Variants in STXBP4 observed in about 807,000 individuals in gnomAD.
STXBP4 encodes syntaxin binding protein 4, also known as syntaxin-binding protein 4.
Under a neutral mutation model 76.1 loss-of-function variants are expected in STXBP4, and 55 were observed. The ratio of observed to expected loss-of-function variants is 0.72; its 90% confidence interval spans 0.58 to 0.91. The LOEUF (loss-of-function observed/expected upper bound fraction) is 0.91, where lower values mean the gene tolerates loss of function less well. Among genes scored for constraint, STXBP4 ranks in the 40% least tolerant of loss-of-function variants. The pLI is 0.00. For missense variants in STXBP4, 618 were observed against 636.9 expected, an observed-to-expected ratio of 0.97 and a Z score of 0.32; for synonymous variants, 201 against 220.2, an observed-to-expected ratio of 0.91 and a Z score of 0.77.
At chr17:55,039,739 T>TAA (rs5821081) in intron 10 of STXBP4, among the ~76,000 whole-genome samples, 3 of 146,360 alleles carry the variant, frequency 2.0e-5, no homozygotes, top group South Asian at 2.1e-4. Flanking sequence ...GAAGAATGAA[T>TAA]AAAAAAAAAA....
At chr17:55,098,082 C>A (rs1436160241) in intron 16 of STXBP4, among the ~76,000 whole-genome samples, 1 of 152,140 alleles carries the variant, frequency 6.6e-6, no homozygotes, top group East Asian at 1.9e-4. Context: ...AGCCTTAAAC[C>A]ATTCTCTTCC....
chr17:55,115,616 CTTTG>C (rs376809538), intron 16 of STXBP4, among the ~76,000 whole-genome samples: 2 of 151,610 alleles, frequency 1.3e-5, no homozygotes, highest in Admixed American at 6.6e-5. Flanking sequence ...TGGAGTAAAC[CTTTG>C]TTTGTTTTCT....
rs1406316044 is a variant in STXBP4, at chr17:55,170,526, GA to G, written c.*10621del. ...TCTACAGTGAGCCTGTCCTTTATAAGAAAAAATGCTAATGATTTATTGTGTA... is the reference window on the plus strand; with the variant it reads ...TCTACAGTGAGCCTGTCCTTTATAAGAAAAATGCTAATGATTTATTGTGTA... On this transcript the variant is annotated 3_prime_UTR_variant, in exon 18 of 18. Coordinates refer to ENST00000376352, the MANE Select transcript of STXBP4 (RefSeq NM_178509.6). The G allele has an allele frequency of 6.6e-6, 1 of 152,074 alleles. No homozygotes were observed. Among genetic ancestry groups the G allele is most frequent in the Non-Finnish European group, 1.5e-5 (1 of 68,008 alleles). The allele number at this position is 152,074 out of a possible 1,614,324, so 9.4% of individuals were successfully genotyped here. A position where few individuals can be genotyped will look rare whatever the true frequency, so the allele number is the denominator to read the frequency against.
chr17:55,015,675 T>C (rs755862769), intron 8 of STXBP4, among the ~76,000 whole-genome samples: 1 of 151,858 alleles, frequency 6.6e-6, no homozygotes, highest in African/African-American at 2.4e-5. Flanking sequence ...CACTCTTTGG[T>C]TTGTTGTTTA....
At chr17:55,102,662 A>C (rs1383864253) in intron 16 of STXBP4, among the ~76,000 whole-genome samples, 2 of 152,218 alleles carry the variant, frequency 1.3e-5, no homozygotes, top group African/African-American at 4.8e-5. Context: ...TTGCTGGGTC[A>C]AATGATATTT....
chr17:55,041,228 CTTTTTT>C (rs373020633), intron 10 of STXBP4, among the ~76,000 whole-genome samples: 2 of 122,232 alleles, frequency 1.6e-5, no homozygotes, highest in Non-Finnish European at 3.3e-5. Flanking sequence ...TTTATTTAAA[CTTTTTT>C]TTTTTTTTTT....
intron 16 of STXBP4, among the ~76,000 whole-genome samples, chr17:55,130,811 A>G (rs1241403003): frequency 1.3e-5 from 2 of 152,138 alleles, no homozygotes; most frequent in Admixed American, 6.5e-5. Context: ...ACTTTGCATA[A>G]TCTCCTCTAG....
chr17:55,037,491 TAA>T (rs113577882), intron 10 of STXBP4, among the ~76,000 whole-genome samples: 3 of 149,858 alleles, frequency 2.0e-5, no homozygotes, highest in Non-Finnish European at 4.5e-5. Flanking sequence ...TTGTTGGGAT[TAA>T]AAAAAAAATA....
At chr17:55,120,407 A>T (rs2079830912) in intron 16 of STXBP4, among the ~76,000 whole-genome samples, 1 of 152,176 alleles carries the variant, frequency 6.6e-6, no homozygotes, top group Non-Finnish European at 1.5e-5. Context: ...CCATTCTATT[A>T]TGTGTTGCTT....
chr17:55,082,500 A>G (rs939865053), intron 16 of STXBP4, among the ~76,000 whole-genome samples: 3 of 152,184 alleles, frequency 2.0e-5, no homozygotes, highest in Non-Finnish European at 4.4e-5. Flanking sequence ...TTTTACCACC[A>G]TAAATATCTA....
intron 12 of STXBP4, among the ~76,000 whole-genome samples, chr17:55,049,359 G>A (rs1342459845): frequency 6.6e-6 from 1 of 151,890 alleles, no homozygotes; most frequent in East Asian, 1.9e-4. Context: ...AAATGAGTCA[G>A]TGCATGGATG....
intron 16 of STXBP4, among the ~76,000 whole-genome samples, chr17:55,128,069 C>T (rs2079931880): frequency 6.6e-6 from 1 of 152,152 alleles, no homozygotes; most frequent in East Asian, 1.9e-4. Flanking sequence ...ATAAGTTCCC[C>T]TGGTGAGTAC....
intron 1 of STXBP4, among the ~76,000 whole-genome samples, chr17:54,980,935 GT>G (rs56044821): frequency 0.3 from 42,483 of 140,458 alleles, 6,199 homozygotes; most frequent in African/African-American, 0.36. Context: ...ATTTTTTTGC[GT>G]TTTTTTTTTG....
intron 16 of STXBP4, among the ~76,000 whole-genome samples, chr17:55,135,072 G>A (rs1219181998): frequency 2.0e-5 from 3 of 152,114 alleles, no homozygotes; most frequent in Non-Finnish European, 2.9e-5. Flanking sequence ...CATCTATTGG[G>A]AAGATAAATG....
intron 16 of STXBP4, among the ~76,000 whole-genome samples, chr17:55,116,711 G>C (rs974143252): frequency 6.6e-6 from 1 of 151,800 alleles, no homozygotes; most frequent in Non-Finnish European, 1.5e-5. Flanking sequence ...GGAGGCAATT[G>C]TTAAGTTTTG....
chr17:55,124,393 G>A (rs576743565), intron 16 of STXBP4, among the ~76,000 whole-genome samples: 14 of 152,330 alleles, frequency 9.2e-5, no homozygotes, highest in Admixed American at 7.2e-4. Context: ...AGAATAGACT[G>A]TGATATTTAT....
chr17:55,089,054 T>C (rs985432880), intron 16 of STXBP4, among the ~76,000 whole-genome samples: 2 of 152,194 alleles, frequency 1.3e-5, no homozygotes, highest in Non-Finnish European at 2.9e-5. Flanking sequence ...ATTGGCCAAA[T>C]TGCTTAATTT....
At chr17:55,024,474 T>C (rs1206073856) in intron 8 of STXBP4, among the ~76,000 whole-genome samples, 3 of 152,218 alleles carry the variant, frequency 2.0e-5, no homozygotes, top group East Asian at 1.9e-4. Context: ...AAACTTCTGA[T>C]GGTGGAGGCT....
Position 55,010,582 on chromosome 17 carries a change from G to A in STXBP4, c.666+2985G>A, listed in dbSNP as rs193031959. On this transcript the variant is annotated intron_variant, in intron 8 of 17. Coordinates refer to ENST00000376352, the MANE Select transcript of STXBP4 (RefSeq NM_178509.6). ...TATGCATTATAAACTTAGCAAATAGGGATACAATTTATTGCTTGGCTTGAA... is the reference window on the plus strand; with the variant it reads ...TATGCATTATAAACTTAGCAAATAGAGATACAATTTATTGCTTGGCTTGAA... 3.9e-4 allele frequency among the ~76,000 whole-genome samples: 60 copies of A among 151,988 alleles called. 1 individual carries two copies. In the East Asian group the frequency reaches 5.8e-3, roughly 15 times the overall value.
Sources: allele counts gnomAD v4.1 joint callset (sites outside exome capture counted in the v4.1 genomes callset), GRCh38; gene constraint gnomAD v4.1.1; transcripts MANE v1.5; gene names NCBI Gene and HGNC (gene_info 2026-07-23, HGNC 2026-07-21).